The following UGT1A5 variants were observed in gnomAD, a reference collection of about 807,000 sequenced individuals.
UGT1A5 encodes the protein UDP-glucuronosyltransferase 1A5.
A neutral mutation model predicts 40.3 loss-of-function variants in UGT1A5; 29 were observed. The observed-to-expected ratio is 0.72, with a 90% CI of 0.54 to 0.98. UGT1A5 has a LOEUF of 0.98. Ranked by LOEUF, UGT1A5 falls within the 50% of genes least tolerant of loss-of-function variation. The pLI is 0.00. For synonymous variants in UGT1A5, 257 were observed against 262.5 expected (o/e 0.98, Z 0.20); for missense variants, 678 against 677.9 (o/e 1.00, Z 0.00).
At position 233,725,264 on chromosome 2, in the gene UGT1A5, G is replaced by GGCAGAGGCA. The variant is rs1216362118; in HGVS notation, c.867+11407_867+11408insCAGAGGCAG. The stretch of plus-strand genomic sequence containing the variant: ...CAGAGGCAGAGGAGGCAGAGGCAGA[G>GGCAGAGGCA]GAGGCAGAGGCAGAGGCAGAGGCAG... On this transcript the variant is annotated intron_variant, in intron 1 of 4. Transcript: ENST00000373414. Among the ~76,000 whole-genome samples, 37 of 58,530 alleles carry GGCAGAGGCA rather than the reference G, an allele frequency of 6.3e-4. 2 individuals are homozygous for GGCAGAGGCA. Among genetic ancestry groups the GGCAGAGGCA allele is most frequent in the African/African-American group, 3.7e-3 (28 of 7,620 alleles). The allele number at this position is 58,530 out of a possible 152,430, so 38.4% of individuals were successfully genotyped here. A position where few individuals can be genotyped will look rare whatever the true frequency, so the allele number is the denominator to read the frequency against.
intron 1 of UGT1A5, among the ~76,000 whole-genome samples, chr2:233,748,687 A>G (rs1421247794): frequency 6.6e-6 from 1 of 151,492 alleles, no homozygotes; most frequent in Non-Finnish European, 1.5e-5. Flanking sequence ...CTGACAAAAG[A>G]TTTTTCTGGT....
intron 1 of UGT1A5, among the ~76,000 whole-genome samples, chr2:233,739,591 A>G (rs1168913581): frequency 1.3e-5 from 2 of 152,242 alleles, no homozygotes; most frequent in Non-Finnish European, 2.9e-5. Flanking sequence ...CATGGGGCCT[A>G]TAGCCCCTTT....
rs1421333211 is a variant in UGT1A5, at chr2:233,745,618, A to T, written c.868-21416A>T. Among the ~76,000 whole-genome samples, 6 of 151,724 alleles carry T rather than the reference A, an allele frequency of 4.0e-5. No individual in the cohort carries two copies. The East Asian group carries it at 1.2e-3, about 29-fold the overall frequency. ...CTTGGCACTTGGTAAGCACACAATG[A>T]ACAGTCATAGAAAGCTGGCCGAGGG... On this transcript the variant is annotated intron_variant, in intron 1 of 4. Coordinates refer to ENST00000373414, the MANE Select transcript of UGT1A5 (RefSeq NM_019078.2).
chr2:233,743,044 G>GTCT, intron 1 of UGT1A5: 2 of 317,270 alleles, frequency 6.3e-6, no homozygotes, highest in Non-Finnish European at 1.2e-5. Flanking sequence ...TCCTATCCGT[G>GTCT]TAGTCCCAAC....
intron 1 of UGT1A5, chr2:233,719,812 C>G: frequency 6.3e-7 from 1 of 1,587,558 alleles, no homozygotes; most frequent in South Asian, 1.1e-5. Context: ...TTCTTTATAA[C>G]AGATAAACTG....
chr2:233,753,795 C>T (rs760622704), intron 1 of UGT1A5: 6 of 152,312 alleles, frequency 3.9e-5, no homozygotes, highest in African/African-American at 1.4e-4. Flanking sequence ...TTTCCAGGAC[C>T]TACCATAGTT....
At chr2:233,741,466 G>C (rs577572519) in intron 1 of UGT1A5, 1 of 149,788 alleles carries the variant, frequency 6.7e-6, no homozygotes, top group Non-Finnish European at 1.5e-5. Flanking sequence ...CTTCACACAT[G>C]TAAGTTCCCT....
At chr2:233,754,512 G>A (rs1197156567) in intron 1 of UGT1A5, 1 of 361,962 alleles carries the variant, frequency 2.8e-6, no homozygotes. Flanking sequence ...TATTCCTCCA[G>A]ATGTGCTTAA....
At chr2:233,716,406 A>T (rs2076503195) in intron 1 of UGT1A5, among the ~76,000 whole-genome samples, 1 of 152,042 alleles carries the variant, frequency 6.6e-6, no homozygotes, top group African/African-American at 2.4e-5. Flanking sequence ...TTAAAGTGAA[A>T]CCCACATCTT....
At chr2:233,719,061 G>A (rs193183920) in intron 1 of UGT1A5, 1 of 1,614,280 alleles carries the variant, frequency 6.2e-7, no homozygotes, top group Admixed American at 1.7e-5. Flanking sequence ...GACAGCCTAT[G>A]CTGTTCCATG....
chr2:233,733,211 G>A (rs2078366147), intron 1 of UGT1A5, among the ~76,000 whole-genome samples: 1 of 152,200 alleles, frequency 6.6e-6, no homozygotes, highest in Non-Finnish European at 1.5e-5. Flanking sequence ...ACTTTGGGCT[G>A]AGACAATGGG....
intron 1 of UGT1A5, among the ~76,000 whole-genome samples, chr2:233,733,592 A>T (rs1213678980): frequency 6.6e-6 from 1 of 152,156 alleles, no homozygotes; most frequent in East Asian, 1.9e-4. Flanking sequence ...GGTTCTGTTT[A>T]TGTGATGGAT....
chr2:233,719,572 A>T (rs2076782519), intron 1 of UGT1A5: 1 of 1,613,740 alleles, frequency 6.2e-7, no homozygotes, highest in Admixed American at 1.7e-5. Context: ...CTTGTCAGCT[A>T]TGCATCCGTG....
At position 233,740,170 on chromosome 2, in the gene UGT1A5, T is replaced by C. The variant is rs191572005; in HGVS notation, c.867+26312T>C. ...TGAGGCCTCCCCAGTCATGTGGAAC[T>C]GTGAGTCAATTAAACCTCTTTCTTT... On this transcript the variant is annotated intron_variant, in intron 1 of 4. Transcript: ENST00000373414. Among the ~76,000 whole-genome samples the C allele has an allele frequency of 5.3e-5, 8 of 151,994 alleles. No individual in the cohort carries two copies. The East Asian group carries it at 1.5e-3, about 29-fold the overall frequency.
At position 233,772,651 on chromosome 2, in the gene UGT1A5, T is replaced by C. The variant is rs1700540535; in HGVS notation, c.*92T>C. 1.3e-6 allele frequency: 2 copies of C among 1,547,716 alleles called. No individual in the cohort carries two copies. Among genetic ancestry groups the C allele is most frequent in the Non-Finnish European group, 1.7e-6 (2 of 1,146,578 alleles). ...ATCAGTGTTAAATTCATTTTATTCT[T>C]ATTAAGGAAATACTTTGCATAAATT... On this transcript the variant is annotated 3_prime_UTR_variant, in exon 5 of 5. Transcript: ENST00000373414.
Position 233,712,956 on chromosome 2 carries a change from G to T in UGT1A5, c.-36G>T, listed in dbSNP as rs1351747451. On this transcript the variant is annotated 5_prime_UTR_variant, in exon 1 of 5. Coordinates refer to ENST00000373414, the MANE Select transcript of UGT1A5 (RefSeq NM_019078.2). ...GAAACAATTCTAGGAGGCACAACGT[G>T]GGGTGGACAGTCAGCTGTCGGTGGC... 1 of 1,612,860 alleles carries T rather than the reference G, an allele frequency of 6.2e-7. No individual in the cohort carries two copies. The highest frequency in any genetic ancestry group is 8.5e-7 in the Non-Finnish European group (1 of 1,180,042).
At chr2:233,731,557 A>C (rs2078177814) in intron 1 of UGT1A5, among the ~76,000 whole-genome samples, 1 of 152,126 alleles carries the variant, frequency 6.6e-6, no homozygotes, top group Non-Finnish European at 1.5e-5. Context: ...TCCATGTGAT[A>C]GTTTGCTGAG....
chr2:233,759,109 C>A (rs1697056507), intron 1 of UGT1A5, among the ~76,000 whole-genome samples: 1 of 152,128 alleles, frequency 6.6e-6, no homozygotes, highest in Admixed American at 6.5e-5. Flanking sequence ...GTTTGCAAAC[C>A]AGGGAGTTAC....
chr2:233,718,187 C>G (rs1403409338), intron 1 of UGT1A5, among the ~76,000 whole-genome samples: 2 of 152,200 alleles, frequency 1.3e-5, no homozygotes, highest in Non-Finnish European at 2.9e-5. Flanking sequence ...TGAGCTCAGC[C>G]TCCCCGGAGC....
Sources: gnomAD v4.1 joint callset for allele counts (sites outside exome capture counted in the v4.1 genomes callset) on GRCh38, gnomAD v4.1.1 for gene constraint, MANE v1.5 for transcripts, NCBI Gene and HGNC (gene_info 2026-07-23, HGNC 2026-07-21) for gene names.